Variants in TBC1D14 observed in about 807,000 individuals in gnomAD.
The protein encoded by TBC1D14 is TBC1 domain family member 14.
A neutral mutation model predicts 79.0 loss-of-function variants in TBC1D14; 26 were observed. The observed-to-expected ratio is 0.33, with a 90% CI of 0.24 to 0.46. TBC1D14 has a LOEUF of 0.46. TBC1D14 is among the 20% of genes least tolerant of loss of function. The pLI, the probability that TBC1D14 is intolerant of heterozygous loss-of-function variation, is 1.00. For missense variants in TBC1D14, 769 were observed against 887.6 expected (o/e 0.87, Z 1.70); for synonymous variants, 394 against 349.9 (o/e 1.13, Z -1.40).
intron 8 of TBC1D14, among the ~76,000 whole-genome samples, chr4:7,005,294 G>C (rs907148743): frequency 2.0e-5 from 3 of 152,210 alleles, no homozygotes; most frequent in Non-Finnish European, 4.4e-5. Flanking sequence ...CCAGCACTTT[G>C]GGAGGCTGAG....
intron 7 of TBC1D14, chr4:7,001,584 T>C: frequency 3.7e-6 from 1 of 267,394 alleles, no homozygotes; most frequent in Non-Finnish European, 7.3e-6. Context: ...GGGCAGGTGG[T>C]TCTTGCTGTG....
At chr4:7,018,891 G>T (rs1266746405) in intron 12 of TBC1D14, among the ~76,000 whole-genome samples, 2 of 152,256 alleles carry the variant, frequency 1.3e-5, no homozygotes, top group African/African-American at 2.4e-5. Context: ...AGAGGTGTGA[G>T]TGAGCTTTAT....
chr4:6,972,184 T>C (rs2109063992), intron 3 of TBC1D14, among the ~76,000 whole-genome samples: 1 of 152,352 alleles, frequency 6.6e-6, no homozygotes, highest in East Asian at 1.9e-4. Context: ...GAGATTACAG[T>C]GAAGGGCAAA....
At chr4:6,994,832 C>G (rs545909797) in intron 4 of TBC1D14, among the ~76,000 whole-genome samples, 1 of 151,206 alleles carries the variant, frequency 6.6e-6, no homozygotes, top group Admixed American at 6.6e-5. Flanking sequence ...TAATTACACT[C>G]CAGCCTGGGC....
intron 2 of TBC1D14, among the ~76,000 whole-genome samples, chr4:6,948,237 C>A (rs1222728519): frequency 6.6e-6 from 1 of 152,228 alleles, no homozygotes; most frequent in Non-Finnish European, 1.5e-5. Context: ...CCCCAGAAGT[C>A]TCCTTTGGGT....
Position 6,915,413 on chromosome 4 carries a change from A to G in TBC1D14, c.-18+5462A>G, listed in dbSNP as rs558687349. ...TTTGTTATTCCCATCTGGAAACGGT[A>G]GAACTCAGCATGCTGTTTACAGGGT... On this transcript the variant is annotated intron_variant, in intron 1 of 13. Transcript: ENST00000409757. 5.3e-5 allele frequency among the ~76,000 whole-genome samples: 8 copies of G among 152,316 alleles called. No homozygotes were observed. The South Asian group carries it at 1.7e-3, about 32-fold the overall frequency.
intron 2 of TBC1D14, among the ~76,000 whole-genome samples, chr4:6,932,004 A>T (rs942442210): frequency 2.6e-5 from 4 of 151,982 alleles, no homozygotes; most frequent in Admixed American, 6.6e-5. Flanking sequence ...AGCGGAGAAG[A>T]CAAGTTACAC....
At chr4:7,011,442 G>T (rs968543746) in intron 11 of TBC1D14, among the ~76,000 whole-genome samples, 4 of 152,188 alleles carry the variant, frequency 2.6e-5, no homozygotes, top group Non-Finnish European at 4.4e-5. Context: ...CATGCATCTG[G>T]TAAGTGGAGG....
intron 13 of TBC1D14, among the ~76,000 whole-genome samples, chr4:7,026,015 G>A (rs769780318): frequency 1.3e-5 from 2 of 152,090 alleles, no homozygotes; most frequent in African/African-American, 2.4e-5. Context: ...TTTTCTGTAC[G>A]TGCTACACCA....
chr4:6,924,023 C>T lies in TBC1D14; in HGVS notation c.634C>T (p.Arg212Cys), dbSNP rs754263051. ...CACCTTGAGCTCTATCAAGGAAACC[C>T]GTGGCTTACACCAGCAGGACTGTGT... ...NVTLSSIKET[R>C]GLHQQDCVHE... Residue 212 changes from arginine (R) to cysteine (C), a missense_variant, in exon 2 of 14, where the codon CGT (arginine) becomes TGT (cysteine). Transcript: ENST00000409757. 1.4e-5 allele frequency: 22 copies of T among 1,613,942 alleles called. No individual in the cohort carries two copies. Among genetic ancestry groups the T allele is most frequent in the African/African-American group, 2.7e-5 (2 of 74,906 alleles).
intron 12 of TBC1D14, among the ~76,000 whole-genome samples, 171 bp downstream of exon 12, chr4:7,014,728 C>T (rs537301755): frequency 6.6e-6 from 1 of 152,232 alleles, no homozygotes; most frequent in Non-Finnish European, 1.5e-5. Flanking sequence ...CTCCGCCTGG[C>T]CCTCCTGAAT....
intron 11 of TBC1D14, among the ~76,000 whole-genome samples, chr4:7,011,569 G>T (rs1720778491): frequency 6.6e-6 from 1 of 151,402 alleles, no homozygotes; most frequent in Non-Finnish European, 1.5e-5. Context: ...GTTTTGTTTT[G>T]TTTTTTTGGC....
Position 7,031,586 on chromosome 4 carries a change from A to G in TBC1D14, c.*1194A>G, listed in dbSNP as rs1161079209. The G allele has an allele frequency of 6.6e-6, 1 of 152,204 alleles. No homozygotes were observed. The allele number at this position is 152,204 out of a possible 1,614,324, so 9.4% of individuals were successfully genotyped here. A position where few individuals can be genotyped will look rare whatever the true frequency, so the allele number is the denominator to read the frequency against. On this transcript the variant is annotated 3_prime_UTR_variant, in exon 14 of 14. Coordinates refer to ENST00000409757, the MANE Select transcript of TBC1D14 (RefSeq NM_020773.3). ...AGAACTTTGTGTGAGGACTTTGGTT[A>G]TCCAAAATCACAGAAATGAACCGTT...
chr4:6,967,184 AGAAT>A, intron 2 of TBC1D14, 116 bp from the exon 3 acceptor site: 2 of 1,287,724 alleles, frequency 1.6e-6, no homozygotes, highest in Non-Finnish European at 2.1e-6. Flanking sequence ...TCAAGTCTGA[AGAAT>A]TAAAGTACGT....
At chr4:6,972,877 T>C (rs1406345876) in intron 3 of TBC1D14, among the ~76,000 whole-genome samples, 3 of 152,206 alleles carry the variant, frequency 2.0e-5, no homozygotes, top group African/African-American at 7.2e-5. Flanking sequence ...TGCTTTGTAA[T>C]TTGAGCAGGT....
chr4:7,003,599 G>A (rs1464073272), intron 7 of TBC1D14, among the ~76,000 whole-genome samples: 2 of 152,220 alleles, frequency 1.3e-5, no homozygotes, highest in Non-Finnish European at 2.9e-5. Flanking sequence ...GTAATGATGG[G>A]AAAAATAAAG....
intron 1 of TBC1D14, among the ~76,000 whole-genome samples, chr4:6,911,818 AG>A (rs1356682186): frequency 2.6e-5 from 4 of 152,308 alleles, no homozygotes; most frequent in African/African-American, 9.6e-5. Flanking sequence ...GCCTCAGCAC[AG>A]GGGATGCCTG....
At chr4:6,958,396 C>CACAT (rs1714867536) in intron 2 of TBC1D14, among the ~76,000 whole-genome samples, 1 of 152,076 alleles carries the variant, frequency 6.6e-6, no homozygotes, top group Non-Finnish European at 1.5e-5. Context: ...CACACACACA[C>CACAT]ACACACAGAT....
intron 7 of TBC1D14, among the ~76,000 whole-genome samples, chr4:7,003,671 A>G (rs1204538444): frequency 1.3e-5 from 2 of 152,216 alleles, no homozygotes; most frequent in African/African-American, 4.8e-5. Flanking sequence ...GATTGTGTGT[A>G]ATCTGAGACA....
Sources: gnomAD v4.1 joint callset for allele counts (sites outside exome capture counted in the v4.1 genomes callset) on GRCh38, gnomAD v4.1.1 for gene constraint, MANE v1.5 for transcripts, NCBI Gene and HGNC (gene_info 2026-07-23, HGNC 2026-07-21) for gene names.